The following FHOD3 variants were observed in gnomAD, a reference collection of about 807,000 sequenced individuals.
FHOD3 encodes the protein FH1/FH2 domain-containing protein 3.
A neutral mutation model predicts 173.0 loss-of-function variants in FHOD3; 90 were observed. The ratio of observed to expected loss-of-function variants is 0.52; its 90% CI spans 0.44 to 0.62. The LOEUF is 0.62. Among genes scored for constraint, FHOD3 ranks in the 20% least tolerant of loss-of-function variants. FHOD3 has a pLI of 0.00. For synonymous variants in FHOD3, 828 were observed against 823.0 expected (o/e 1.01, Z -0.10); for missense variants, 1,945 against 2,034.7 (o/e 0.96, Z 0.85).
At chr18:36,543,339 C>G (rs2057296695) in intron 5 of FHOD3, among the ~76,000 whole-genome samples, 1 of 152,056 alleles carries the variant, frequency 6.6e-6, no homozygotes, top group Admixed American at 6.6e-5. Context: ...CCTATGGGTT[C>G]TATTTCTCAG....
At chr18:36,457,408 A>G (rs1024581337) in intron 3 of FHOD3, among the ~76,000 whole-genome samples, 2 of 152,148 alleles carry the variant, frequency 1.3e-5, no homozygotes, top group African/African-American at 4.8e-5. Flanking sequence ...CACTGGGAAG[A>G]ATGCCTTCAG....
chr18:36,590,094 T>A (rs994959677), intron 6 of FHOD3, among the ~76,000 whole-genome samples: 6 of 152,228 alleles, frequency 3.9e-5, no homozygotes, highest in Non-Finnish European at 5.9e-5. Flanking sequence ...GCTGCCACAC[T>A]GGGCCTGCCT....
At chr18:36,619,768 A>G (rs919165487) in intron 9 of FHOD3, among the ~76,000 whole-genome samples, 1 of 152,252 alleles carries the variant, frequency 6.6e-6, no homozygotes, top group Non-Finnish European at 1.5e-5. Flanking sequence ...GCGTAAGCAG[A>G]GGATCTGAGA....
chr18:36,395,401 C>G (rs1207333120), intron 3 of FHOD3, among the ~76,000 whole-genome samples: 3 of 151,828 alleles, frequency 2.0e-5, no homozygotes, highest in African/African-American at 4.8e-5. Context: ...GTCATTTTCT[C>G]TTAGTTCTGC....
intron 17 of FHOD3, among the ~76,000 whole-genome samples, chr18:36,694,193 G>A (rs766614531): frequency 6.6e-6 from 1 of 152,220 alleles, no homozygotes. Flanking sequence ...TTAGTCAAGT[G>A]TTATGGCTTA....
chr18:36,376,087 A>G (rs1426721118), intron 3 of FHOD3, among the ~76,000 whole-genome samples: 2 of 152,208 alleles, frequency 1.3e-5, no homozygotes, highest in Non-Finnish European at 2.9e-5. Context: ...GTCCCTGAAA[A>G]GTGATCCTGT....
intron 28 of FHOD3, among the ~76,000 whole-genome samples, chr18:36,772,655 G>T (rs566502090): frequency 6.6e-6 from 1 of 152,352 alleles, no homozygotes; most frequent in Admixed American, 6.5e-5. Flanking sequence ...TCCCACTGAA[G>T]CCTGAACTTT....
intron 1 of FHOD3, among the ~76,000 whole-genome samples, chr18:36,341,320 A>G (rs972729413): frequency 6.6e-6 from 1 of 152,192 alleles, no homozygotes; most frequent in Admixed American, 6.5e-5. Context: ...TAGCAGACCA[A>G]TATTCTACCC....
At chr18:36,388,121 T>C (rs762928543) in intron 3 of FHOD3, among the ~76,000 whole-genome samples, 1 of 150,950 alleles carries the variant, frequency 6.6e-6, no homozygotes, top group African/African-American at 2.5e-5. Context: ...CCTTTTTGCC[T>C]TTTTGGTGTG....
intron 28 of FHOD3, chr18:36,779,160 T>C (rs747713962): frequency 3.6e-5 from 16 of 449,412 alleles, no homozygotes; most frequent in Non-Finnish European, 5.2e-5. Context: ...AGGGTGAGCC[T>C]CTCCTCCTTT....
chr18:36,683,715 A>T (rs567920849), intron 15 of FHOD3, among the ~76,000 whole-genome samples: 1 of 152,318 alleles, frequency 6.6e-6, no homozygotes, highest in African/African-American at 2.4e-5. Flanking sequence ...TTATTTCTTT[A>T]TCTCCTACCC....
chr18:36,641,840 C>T (rs2035327127), intron 10 of FHOD3, among the ~76,000 whole-genome samples: 1 of 151,766 alleles, frequency 6.6e-6, no homozygotes, highest in Non-Finnish European at 1.5e-5. Flanking sequence ...CCTGTTATCC[C>T]AGCTACTGAG....
chr18:36,396,448 G>A (rs1301398655), intron 3 of FHOD3, among the ~76,000 whole-genome samples: 1 of 152,046 alleles, frequency 6.6e-6, no homozygotes. Context: ...TTGAAAAAAT[G>A]TCCCCCTTTA....
At chr18:36,565,392 C>T (rs897819801) in intron 5 of FHOD3, among the ~76,000 whole-genome samples, 1 of 152,176 alleles carries the variant, frequency 6.6e-6, no homozygotes, top group African/African-American at 2.4e-5. Flanking sequence ...GATTTAAAAA[C>T]TCACTGCACA....
chr18:36,652,909 A>G lies in FHOD3; in HGVS notation c.1626A>G (p.Ala542=). Reference sequence around the variant, plus strand: ...CCCTGTCCACCAAGGAGAAGGAAGCAGAGTCCCAGAAGGAAAACAGGTAGA... The same window carrying G: ...CCCTGTCCACCAAGGAGAAGGAAGCGGAGTCCCAGAAGGAAAACAGGTAGA... ...DSSLSTKEKE[A]ESQKENSSSD... Residue 542 remains alanine (A), a synonymous_variant, in exon 12 of 29, where the codon GCA becomes GCG. Coordinates refer to ENST00000590592, the MANE Select transcript of FHOD3 (RefSeq NM_001281740.3). 1 of 1,533,738 alleles carries G rather than the reference A, an allele frequency of 6.5e-7. No individual in the cohort carries two copies. Among genetic ancestry groups the G allele is most frequent in the Non-Finnish European group, 8.7e-7 (1 of 1,145,030 alleles).
In FHOD3 at chr18:36,625,572, A is replaced by G. The variant is rs998852979; in HGVS notation, c.1019A>G (p.Asp340Gly). 9 of 1,537,942 alleles carry G rather than the reference A, an allele frequency of 5.9e-6. No individual in the cohort carries two copies. In the East Asian group the frequency reaches 2.2e-4, roughly 37 times the overall value. The change falls in exon 10 of 29, where the codon GAC becomes GGC. Residue 340 changes from aspartate (D) to glycine (G), a missense_variant. This residue lies in a region of FHOD3 where 1,099 missense variants were observed against 1,051.2 expected (regional missense o/e 1.05). Coordinates refer to ENST00000590592, the MANE Select transcript of FHOD3 (RefSeq NM_001281740.3). ...GAGCCACCCCCCAGTGGGTGCCGGG[A>G]CCGGAGGAGGGCCAGCGTGTGTTCC... The part of the protein sequence containing the change: ...TTEPPPSGCR[D>G]RRRASVCSSG...
intron 1 of FHOD3, among the ~76,000 whole-genome samples, chr18:36,339,509 G>A (rs761783099): frequency 1.3e-5 from 2 of 152,202 alleles, no homozygotes; most frequent in Non-Finnish European, 2.9e-5. Context: ...TTTTGAAGTT[G>A]TGTCTTTTAA....
At chr18:36,626,981 C>T (rs949477809) in intron 10 of FHOD3, among the ~76,000 whole-genome samples, 1 of 152,120 alleles carries the variant, frequency 6.6e-6, no homozygotes, top group South Asian at 2.1e-4. Flanking sequence ...ATGTTGACAC[C>T]CCTCTTCTAC....
Position 36,769,428 on chromosome 18 carries a change from T to G in FHOD3, c.4786+2T>G. ...GATCCCGGGCCAACCGGAAATCTTG[T>G]GAGTGCATTAAAGGAGGGGCGAGCC... On this transcript the variant is annotated splice_donor_variant, in intron 28 of 28. Transcript: ENST00000590592. LOFTEE classifies it high-confidence loss of function. 1 of 1,613,958 alleles carries G rather than the reference T, an allele frequency of 6.2e-7. No homozygotes were observed. The highest frequency in any genetic ancestry group is 8.5e-7 in the Non-Finnish European group (1 of 1,179,950).
Sources: gnomAD v4.1 joint callset for allele counts (sites outside exome capture counted in the v4.1 genomes callset) on GRCh38, gnomAD v4.1.1 for gene constraint, gnomAD v4.1.1 regional missense constraint, MANE v1.5 for transcripts, NCBI Gene and HGNC (gene_info 2026-07-23, HGNC 2026-07-21) for gene names.